The following MAPT variants were observed in gnomAD, a reference collection of about 807,000 sequenced individuals.
MAPT encodes the protein microtubule associated protein tau.
A neutral mutation model predicts 67.9 loss-of-function variants in MAPT; 34 were observed. The ratio of observed to expected loss-of-function variants is 0.50; its 90% CI spans 0.38 to 0.67. The LOEUF (loss-of-function observed/expected upper bound fraction) is 0.67, where lower values mean the gene tolerates loss of function less well. MAPT is among the 30% of genes least tolerant of loss of function. The pLI is 0.00. For synonymous variants in MAPT, 456 were observed against 464.5 expected, an observed-to-expected ratio of 0.98 and a Z score of 0.23; for missense variants, 881 against 1,115.2, an observed-to-expected ratio of 0.79 and a Z score of 2.99.
chr17:45,982,077 C>G (rs2073023988), intron 4 of MAPT, among the ~76,000 whole-genome samples: 1 of 149,458 alleles, frequency 6.7e-6, no homozygotes, highest in Non-Finnish European at 1.5e-5. Flanking sequence ...GTAATCCCAG[C>G]ACTTTGGGGA....
At chr17:46,003,009 C>A (rs2075133471) in intron 9 of MAPT, among the ~76,000 whole-genome samples, 1 of 152,094 alleles carries the variant, frequency 6.6e-6, no homozygotes. Flanking sequence ...GTCTTGAACT[C>A]CTGGGCTCAA....
intron 9 of MAPT, among the ~76,000 whole-genome samples, chr17:46,004,433 G>A (rs1262735895): frequency 6.6e-6 from 1 of 152,182 alleles, no homozygotes; most frequent in Non-Finnish European, 1.5e-5. Flanking sequence ...TTTCTCCCCT[G>A]ACTAGGAGTT....
At position 45,978,185 on chromosome 17, in the gene MAPT, G is replaced by T. The variant is rs139368477; in HGVS notation, c.221-190G>T. 114 of 637,878 alleles carry T rather than the reference G, an allele frequency of 1.8e-4. 1 individual carries two copies. The highest frequency in any genetic ancestry group is 1.7e-3 in the African/African-American group (97 of 55,456). 39.5% of individuals were successfully genotyped at this position (637,878 alleles called of 1,614,324 possible). On this transcript the variant is annotated intron_variant, in intron 3 of 12. Transcript: ENST00000262410. ...GTGGGTGCTGTGCCTTTTGTTTAGT[G>T]AACTTTTATCACCAGCATCCTCAGC...
At chr17:45,904,529 G>A (rs1411383400) in intron 1 of MAPT, among the ~76,000 whole-genome samples, 1 of 147,998 alleles carries the variant, frequency 6.8e-6, no homozygotes, top group Non-Finnish European at 1.5e-5. Context: ...CTCTACAAAA[G>A]GAAACTGTAA....
Position 45,924,312 on chromosome 17 carries a change from C to CT in MAPT, c.-18+29629dup, listed in dbSNP as rs139563201. Among the ~76,000 whole-genome samples, 1,095 of 152,326 alleles carry CT rather than the reference C, an allele frequency of 7.2e-3. 15 individuals are homozygous for CT. Among genetic ancestry groups the CT allele is most frequent in the African/African-American group, 0.026 (1,062 of 41,568 alleles). Reference sequence around the variant, plus strand: ...AATTGTAAATGTAGAGCCACGTGCGCTTTAAGTCACCTGTCACTCTGGAGG... The same window carrying CT: ...AATTGTAAATGTAGAGCCACGTGCGCTTTTAAGTCACCTGTCACTCTGGAGG... On this transcript the variant is annotated intron_variant, in intron 1 of 12. Coordinates refer to ENST00000262410, the MANE Select transcript of MAPT (RefSeq NM_001377265.1).
chr17:45,982,675 C>T (rs921952899), intron 4 of MAPT, among the ~76,000 whole-genome samples, 191 bp from the exon 5 acceptor site: 4 of 152,098 alleles, frequency 2.6e-5, no homozygotes, highest in South Asian at 2.1e-4. Flanking sequence ...GAGCTGGTGG[C>T]GGCTAGACCA....
chr17:46,001,976 G>A (rs2075039277), intron 9 of MAPT, among the ~76,000 whole-genome samples: 1 of 152,222 alleles, frequency 6.6e-6, no homozygotes, highest in Non-Finnish European at 1.5e-5. Flanking sequence ...CCCCCACCCG[G>A]AGTGCTGGGT....
chr17:45,949,927 GC>G (rs1284577401), intron 1 of MAPT, among the ~76,000 whole-genome samples: 1 of 152,212 alleles, frequency 6.6e-6, no homozygotes, highest in Non-Finnish European at 1.5e-5. Flanking sequence ...AGGAGCAAAA[GC>G]TGGGGCTTTA....
chr17:45,916,429 G>A (rs550180215), intron 1 of MAPT, among the ~76,000 whole-genome samples: 1 of 152,290 alleles, frequency 6.6e-6, no homozygotes, highest in South Asian at 2.1e-4. Context: ...TGAGGTGGGA[G>A]AACCCCGAGA....
intron 1 of MAPT, among the ~76,000 whole-genome samples, chr17:45,903,855 T>A (rs2063822867): frequency 2.2e-5 from 1 of 44,750 alleles, no homozygotes; most frequent in Non-Finnish European, 4.5e-5. Context: ...ATATTATATA[T>A]TATATATATT....
At chr17:45,946,615 A>AAAAAAAAAAATATATATATATATATAT in intron 1 of MAPT, among the ~76,000 whole-genome samples, 19 of 100,360 alleles carry the variant, frequency 1.9e-4, no homozygotes, top group Non-Finnish European at 3.1e-4. Context: ...AAAAAAAAAA[A>AAAAAAAAAAATATATATATATATATAT]ATATATATAT....
In MAPT at chr17:45,995,488, T is replaced by C. The variant is rs17573245; in HGVS notation, c.1733-911T>C. Reference sequence around the variant, plus strand: ...GTTCCGTGGGCCACACTTTGGAAAATACAGACCCATGAGATAGAATACCAG... The same window carrying C: ...GTTCCGTGGGCCACACTTTGGAAAACACAGACCCATGAGATAGAATACCAG... On this transcript the variant is annotated intron_variant, in intron 8 of 12. Coordinates refer to ENST00000262410, the MANE Select transcript of MAPT (RefSeq NM_001377265.1). This position sits in a 1 kb window ranked among gnomAD's most constrained non-coding sequence, Gnocchi z 4.3. Among the ~76,000 whole-genome samples, 22,121 of 151,960 alleles carry C rather than the reference T, an allele frequency of 0.15. 2,163 individuals are homozygous for C. The highest frequency in any genetic ancestry group is 0.22 in the Non-Finnish European group (14,764 of 67,958).
chr17:45,902,941 C>T (rs905697983), intron 1 of MAPT, among the ~76,000 whole-genome samples: 1 of 152,186 alleles, frequency 6.6e-6, no homozygotes, highest in African/African-American at 2.4e-5. Context: ...GCTGGTTTTC[C>T]TTCCAGCCTA....
At chr17:45,903,753 A>G (rs1489908517) in intron 1 of MAPT, among the ~76,000 whole-genome samples, 1 of 74,500 alleles carries the variant, frequency 1.3e-5, no homozygotes, top group African/African-American at 4.9e-5. Flanking sequence ...GGTTTTATAT[A>G]TATTTTTTTT....
At chr17:45,911,175 T>A (rs1206155054) in intron 1 of MAPT, among the ~76,000 whole-genome samples, 1 of 152,236 alleles carries the variant, frequency 6.6e-6, no homozygotes, top group Non-Finnish European at 1.5e-5. Flanking sequence ...TCTTTGGGCT[T>A]CCCCAGGGAT....
chr17:45,999,271 G>A (rs2074782033), intron 9 of MAPT: 8 of 1,611,872 alleles, frequency 5.0e-6, no homozygotes, highest in Non-Finnish European at 6.8e-6. Flanking sequence ...CTGCTCCCTA[G>A]TCTGGGCCAT....
intron 9 of MAPT, among the ~76,000 whole-genome samples, chr17:46,002,528 G>T (rs997145118): frequency 1.3e-5 from 2 of 152,146 alleles, no homozygotes; most frequent in Non-Finnish European, 2.9e-5. Flanking sequence ...GGGGGGGCCT[G>T]GTTGGCTCTG....
chr17:45,911,113 T>C (rs186329570), intron 1 of MAPT, among the ~76,000 whole-genome samples: 133 of 152,362 alleles, frequency 8.7e-4, no homozygotes, highest in African/African-American at 3.2e-3. Flanking sequence ...TGCCTTCACA[T>C]CACTAGTGCC....
intron 10 of MAPT, among the ~76,000 whole-genome samples, chr17:46,011,177 G>T (rs185887178): frequency 2.0e-5 from 3 of 152,200 alleles, no homozygotes; most frequent in Admixed American, 2.0e-4. Flanking sequence ...CGGGAGGTTC[G>T]CTTGAGCCCA....
Sources: allele counts gnomAD v4.1 joint callset (sites outside exome capture counted in the v4.1 genomes callset), GRCh38; gene constraint gnomAD v4.1.1; non-coding constraint Gnocchi (gnomAD v3.1); transcripts MANE v1.5; gene names NCBI Gene and HGNC (gene_info 2026-07-23, HGNC 2026-07-21).